C10orf143: variants seen among roughly 807,000 people sequenced by gnomAD.
C10orf143 encodes the protein uncharacterized protein C10orf143.
downstream of C10orf143, among the ~76,000 whole-genome samples, chr10:130,059,895 C>T (rs1344994631): frequency 6.6e-6 from 1 of 152,126 alleles, no homozygotes; most frequent in African/African-American, 2.4e-5. Flanking sequence ...TGATCAAAAG[C>T]TAGCTATTTC....
rs145440162 is a variant in C10orf143 at position 130,093,784 on chromosome 10, G to A, written c.70-13883C>T. ...TCCCAGCACTTTGGGAGGCCGAGGCGGGCGGATCACGAGGTCAGATTGAGA... is the reference window on the plus strand; with the variant it reads ...TCCCAGCACTTTGGGAGGCCGAGGCAGGCGGATCACGAGGTCAGATTGAGA... On this transcript the variant is annotated intron_variant, in intron 1 of 3. Transcript: ENST00000637128. Among the ~76,000 whole-genome samples, 969 of 152,100 alleles carry A rather than the reference G, an allele frequency of 6.4e-3. 11 individuals carry two copies. Among genetic ancestry groups the A allele is most frequent in the African/African-American group, 0.021 (875 of 41,490 alleles).
chr10:130,070,980 A>T (rs1590017278), intron 3 of C10orf143, among the ~76,000 whole-genome samples: 3 of 151,918 alleles, frequency 2.0e-5, no homozygotes, highest in African/African-American at 7.3e-5. Context: ...CAGTGGTGGG[A>T]TCTTGGCTCA....
At chr10:130,055,495 TCAA>T (rs1291052022) in intron 3 of C10orf143, among the ~76,000 whole-genome samples, 1 of 152,242 alleles carries the variant, frequency 6.6e-6, no homozygotes, top group Non-Finnish European at 1.5e-5. Context: ...TTTTCGATCA[TCAA>T]CAACTTGCAG....
At chr10:130,098,017 T>TAAAA (rs59790850) in intron 1 of C10orf143, among the ~76,000 whole-genome samples, 2 of 146,872 alleles carry the variant, frequency 1.4e-5, no homozygotes, top group Non-Finnish European at 1.5e-5. Context: ...ATTACACACT[T>TAAAA]AAAAAAAAAA....
chr10:130,079,959 G>A, intron 1 of C10orf143, 58 bp from the exon 2 acceptor site: 1 of 398,446 alleles, frequency 2.5e-6, no homozygotes, highest in Non-Finnish European at 4.4e-6. Flanking sequence ...CACTCTAATT[G>A]AATTTGCTTT....
At chr10:130,077,151 C>T (rs7085617) in intron 3 of C10orf143, among the ~76,000 whole-genome samples, 10,534 of 151,912 alleles carry the variant, frequency 0.069, 590 homozygotes, top group East Asian at 0.23. Flanking sequence ...GGTTACAATA[C>T]GCCAGAATGA....
chr10:130,106,073 CG>C (rs1408720759), intron 1 of C10orf143: 1 of 590,254 alleles, frequency 1.7e-6, no homozygotes, highest in Non-Finnish European at 3.3e-6. Flanking sequence ...TACCCCTCAG[CG>C]GTACTTGGGG....
At chr10:130,057,139 G>A (rs1000336933) in intron 3 of C10orf143, among the ~76,000 whole-genome samples, 5 of 149,676 alleles carry the variant, frequency 3.3e-5, no homozygotes, top group African/African-American at 1.2e-4. Flanking sequence ...TGATCCTCCC[G>A]CCTCAGCCTC....
At chr10:130,098,165 A>G (rs1216930154) in intron 1 of C10orf143, among the ~76,000 whole-genome samples, 1 of 152,092 alleles carries the variant, frequency 6.6e-6, no homozygotes, top group East Asian at 1.9e-4. Context: ...TCTACTAAAA[A>G]TACAAAAATC....
intron 1 of C10orf143, among the ~76,000 whole-genome samples, chr10:130,105,661 C>T (rs547331244): frequency 5.3e-5 from 8 of 152,270 alleles, no homozygotes; most frequent in African/African-American, 1.9e-4. Context: ...ACCCAGGAGG[C>T]AGAGGTTGCA....
At chr10:130,052,604 C>T (rs1860749822) in intron 3 of C10orf143, among the ~76,000 whole-genome samples, 2 of 152,230 alleles carry the variant, frequency 1.3e-5, no homozygotes, top group Non-Finnish European at 1.5e-5. Flanking sequence ...TTTGGACCCC[C>T]TCACCTTGTC....
intron 1 of C10orf143, among the ~76,000 whole-genome samples, chr10:130,086,578 C>T (rs1407733772): frequency 6.6e-6 from 1 of 152,162 alleles, no homozygotes; most frequent in Non-Finnish European, 1.5e-5. Flanking sequence ...CCTTACAGTG[C>T]AAAAGGAGGT....
At chr10:130,058,333 T>C (rs1371606475) in intron 3 of C10orf143, among the ~76,000 whole-genome samples, 8 of 152,146 alleles carry the variant, frequency 5.3e-5, no homozygotes, top group Non-Finnish European at 1.2e-4. Context: ...TGCAGCCTCC[T>C]TGGGCCTCTC....
intron 3 of C10orf143, among the ~76,000 whole-genome samples, chr10:130,049,956 G>A (rs1308732991): frequency 6.6e-6 from 1 of 152,248 alleles, no homozygotes; most frequent in Non-Finnish European, 1.5e-5. Flanking sequence ...ACCGATGGCT[G>A]TAAAACCATC....
chr10:130,093,810 T>G (rs1365181416), intron 1 of C10orf143, among the ~76,000 whole-genome samples: 4 of 151,838 alleles, frequency 2.6e-5, no homozygotes, highest in Admixed American at 2.6e-4. Flanking sequence ...CAGATTGAGA[T>G]CGTCCTGGCT....
chr10:130,107,443 G>A (rs1590039439), intron 1 of C10orf143: 1 of 1,390,038 alleles, frequency 7.2e-7, no homozygotes, highest in Non-Finnish European at 1.0e-6. Context: ...TGGCAGCTTG[G>A]GCTGCTGAAA....
chr10:130,094,928 G>A (rs1861439332), intron 1 of C10orf143, among the ~76,000 whole-genome samples: 1 of 152,192 alleles, frequency 6.6e-6, no homozygotes, highest in Admixed American at 6.5e-5. Context: ...AAGAGAGGAA[G>A]TCAAGTTGTC....
At chr10:130,079,124 A>G (rs2765490) in intron 3 of C10orf143, among the ~76,000 whole-genome samples, 149,886 of 152,324 alleles carry the variant, frequency 0.98, 73,754 homozygotes, top group East Asian at 1. Flanking sequence ...TTAATGGTGT[A>G]AACACTGTGT....
chr10:130,107,545 T>A (rs557422760), intron 1 of C10orf143: 1 of 1,345,354 alleles, frequency 7.4e-7, no homozygotes, highest in Non-Finnish European at 1.1e-6. Flanking sequence ...AAAAAGATCC[T>A]TATGTACTTG....
Sources: gnomAD v4.1 joint callset for allele counts (sites outside exome capture counted in the v4.1 genomes callset) on GRCh38, gnomAD v4.1.1 for gene constraint, MANE v1.5 for transcripts, NCBI Gene and HGNC (gene_info 2026-07-23, HGNC 2026-07-21) for gene names.